Variants in PCDHGA5 observed in about 807,000 individuals in gnomAD.
The protein encoded by PCDHGA5 is protocadherin gamma-A5.
PCDHGA5 carries 36 observed loss-of-function variants against 56.7 expected under a neutral mutation model. The ratio of observed to expected loss-of-function variants is 0.64; its 90% confidence interval spans 0.49 to 0.84. The LOEUF (loss-of-function observed/expected upper bound fraction) is 0.84. Among genes scored for constraint, PCDHGA5 ranks in the 40% least tolerant of loss-of-function variants. The probability of loss-of-function intolerance (pLI) is 0.00; values close to 1 mark genes in which losing one functional copy is unlikely to be tolerated. For missense variants in PCDHGA5, 1,305 were observed against 1,201.5 expected (o/e 1.09, Z -1.27); for synonymous variants, 563 against 520.2 (o/e 1.08, Z -1.12).
chr5:141,393,922 G>C (rs750880965), intron 1 of PCDHGA5: 16 of 1,613,832 alleles, frequency 9.9e-6, no homozygotes, highest in Middle Eastern at 1.6e-4. Context: ...GCCTTCTTGA[G>C]TGTGCATGAC....
intron 3 of PCDHGA5, 146 bp from the exon 4 acceptor site, chr5:141,510,801 A>G: frequency 6.7e-7 from 1 of 1,489,832 alleles, no homozygotes; most frequent in Non-Finnish European, 9.1e-7. Flanking sequence ...AAGAGAGACT[A>G]CCTTGGTGAC....
chr5:141,484,994 G>A (rs1257915410), intron 1 of PCDHGA5: 4 of 610,330 alleles, frequency 6.6e-6, no homozygotes, highest in Non-Finnish European at 1.2e-5. Context: ...GGTGGTGAAA[G>A]GCAGACAAAT....
intron 1 of PCDHGA5, among the ~76,000 whole-genome samples, chr5:141,438,674 A>C (rs894070572): frequency 1.9e-4 from 25 of 134,850 alleles, no homozygotes; most frequent in Non-Finnish European, 3.1e-4. Context: ...ATATATTTGG[A>C]GTAGGGGATG....
chr5:141,460,296 C>T (rs1443273958), intron 1 of PCDHGA5, among the ~76,000 whole-genome samples: 1 of 151,924 alleles, frequency 6.6e-6, no homozygotes, highest in Non-Finnish European at 1.5e-5. Context: ...TTCTTATGTC[C>T]TATTCAAAAA....
chr5:141,413,262 G>A (rs2095621152), intron 1 of PCDHGA5: 2 of 1,613,960 alleles, frequency 1.2e-6, no homozygotes, highest in South Asian at 1.1e-5. Context: ...TTCCATGGGA[G>A]GCTGGAGCCC....
In PCDHGA5 at chr5:141,476,715, G is replaced by A. The variant is rs199871912; in HGVS notation, c.2422-18092G>A. 12 of 1,614,168 alleles carry A rather than the reference G, an allele frequency of 7.4e-6. No individual in the cohort carries two copies. The highest frequency in any genetic ancestry group is 1.7e-5 in the Admixed American group (1 of 60,032). On this transcript the variant is annotated intron_variant, in intron 1 of 3. Coordinates refer to ENST00000518069, the MANE Select transcript of PCDHGA5 (RefSeq NM_018918.3). The surrounding 1 kb of genome is among the most constrained non-coding windows in gnomAD (Gnocchi z 7.6). ...AAGTACGCGGAGCTGGTGTTGGAGC[G>A]CGCCCTGGACCGAGAACGGGAGCCT...
intron 1 of PCDHGA5, chr5:141,414,150 A>C (rs750190499): frequency 6.2e-7 from 1 of 1,600,176 alleles, no homozygotes; most frequent in African/African-American, 1.3e-5. Context: ...AAATACAAGC[A>C]GAAGATGGAG....
chr5:141,422,342 TG>T, intron 1 of PCDHGA5: 1 of 1,551,514 alleles, frequency 6.4e-7, no homozygotes. Context: ...CTTCTAAATG[TG>T]CAAGATCAAG....
intron 1 of PCDHGA5, chr5:141,430,854 G>A (rs140440273): frequency 5.0e-6 from 8 of 1,587,648 alleles, no homozygotes; most frequent in Middle Eastern, 1.7e-4. Flanking sequence ...ACCCAGATAC[G>A]CTATTCAGTT....
At chr5:141,375,221 G>C (rs1299495432) in intron 1 of PCDHGA5, 31 of 1,613,820 alleles carry the variant, frequency 1.9e-5, no homozygotes, top group Non-Finnish European at 2.6e-5. Context: ...TGGCCTGAAT[G>C]GCCTGGTAAC....
chr5:141,478,372 G>A (rs778468803), intron 1 of PCDHGA5: 2 of 1,613,704 alleles, frequency 1.2e-6, no homozygotes, highest in Non-Finnish European at 8.5e-7. Flanking sequence ...GAGGCCTGAT[G>A]TCGCCGCACC....
intron 1 of PCDHGA5, chr5:141,471,645 T>G (rs891817778): frequency 1.3e-5 from 2 of 152,178 alleles, no homozygotes; most frequent in Non-Finnish European, 2.9e-5. Context: ...AGTAATATAC[T>G]GGATGTGGGG....
chr5:141,481,868 C>A (rs983373194), intron 1 of PCDHGA5, among the ~76,000 whole-genome samples: 4 of 147,412 alleles, frequency 2.7e-5, no homozygotes, highest in African/African-American at 1.0e-4. Flanking sequence ...GAGCCGAGAT[C>A]GCGCCACTGC....
chr5:141,395,041 T>C (rs2093154278), intron 1 of PCDHGA5: 1 of 1,613,994 alleles, frequency 6.2e-7, no homozygotes, highest in South Asian at 1.1e-5. Flanking sequence ...TTTGTGGGTG[T>C]TGAGGAGGTA....
At chr5:141,441,709 C>T in intron 1 of PCDHGA5, 1 of 321,306 alleles carries the variant, frequency 3.1e-6, no homozygotes, top group Non-Finnish European at 6.1e-6. Flanking sequence ...TTCAAGCTCA[C>T]GCTGCAGGCC....
intron 1 of PCDHGA5, chr5:141,367,882 A>C (rs1403559847): frequency 6.6e-6 from 1 of 152,094 alleles, no homozygotes; most frequent in Non-Finnish European, 1.5e-5. Context: ...ATTCTTCTTT[A>C]TTACTTGAGT....
At position 141,474,586 on chromosome 5, in the gene PCDHGA5, A is replaced by T. The variant is rs149003643; in HGVS notation, c.2422-20221A>T. 7.1e-4 allele frequency among the ~76,000 whole-genome samples: 108 copies of T among 152,340 alleles called. No individual in the cohort carries two copies. The East Asian group carries it at 0.015, about 21-fold the overall frequency. The stretch of plus-strand genomic sequence containing the variant: ...TCAGAGATTAATTGAAGTGTTAAAG[A>T]CATGGAAATATAGGTCACATATGGC... On this transcript the variant is annotated intron_variant, in intron 1 of 3. Coordinates refer to ENST00000518069, the MANE Select transcript of PCDHGA5 (RefSeq NM_018918.3).
intron 1 of PCDHGA5, chr5:141,378,091 TC>T (rs1774623141): frequency 6.6e-6 from 1 of 152,230 alleles, no homozygotes; most frequent in African/African-American, 2.4e-5. Flanking sequence ...TAACTTTTTT[TC>T]AAACTCTAAA....
Position 141,490,924 on chromosome 5 carries a change from C to G in PCDHGA5, c.2422-3883C>G, listed in dbSNP as rs1469202824. The G allele has an allele frequency of 1.9e-6, 3 of 1,613,562 alleles. No individual in the cohort carries two copies. The highest frequency in any genetic ancestry group is 2.5e-6 in the Non-Finnish European group (3 of 1,179,702). ...TGTCCTAGACGAGAATGATAATGCC[C>G]CAGCTGTGCTGCACCCACGGCCAGA... On this transcript the variant is annotated intron_variant, in intron 1 of 3. Transcript: ENST00000518069. The surrounding 1 kb of genome is among the most constrained non-coding windows in gnomAD (Gnocchi z 5.4).
Sources: allele counts gnomAD v4.1 joint callset (sites outside exome capture counted in the v4.1 genomes callset), GRCh38; gene constraint gnomAD v4.1.1; non-coding constraint Gnocchi (gnomAD v3.1); transcripts MANE v1.5; gene names NCBI Gene and HGNC (gene_info 2026-07-23, HGNC 2026-07-21).